The following ADGRG2 variants were observed in gnomAD, a reference collection of about 807,000 sequenced individuals.
The protein encoded by ADGRG2 is adhesion G protein-coupled receptor G2.
In ADGRG2, 26 loss-of-function variants were observed where a neutral mutation model predicts 74.1. The ratio of observed to expected loss-of-function variants is 0.35; its 90% CI spans 0.26 to 0.49. ADGRG2 has a LOEUF of 0.49. ADGRG2 is among the 20% of genes least tolerant of loss of function. The pLI is 0.99. For missense variants in ADGRG2, 619 were observed against 763.1 expected (o/e 0.81, Z 2.22); for synonymous variants, 296 against 295.2 (o/e 1.00, Z -0.03).
Position 19,013,665 on chromosome X carries a change from CGCTGT to C in ADGRG2, c.1099+16_1099+20del. 8.7e-7 allele frequency: 1 copy of C among 1,145,868 alleles called. No individual in the cohort carries two copies. The highest frequency in any genetic ancestry group is 2.1e-5 in the South Asian group (1 of 47,793). The allele number at this position is 1,145,868 out of a possible 1,213,427, so 94.4% of individuals were successfully genotyped here. ...TAGATGTCTTGATTGGCAGATTGGCCGCTGTTCAAGTGACATTTACCTGTCTGGAC... is the reference window on the plus strand; with the variant it reads ...TAGATGTCTTGATTGGCAGATTGGCCTCAAGTGACATTTACCTGTCTGGAC... On this transcript the variant is annotated intron_variant, in intron 16 of 28. Transcript: ENST00000379869.
At chrX:19,110,270 A>G (rs1473404360) in intron 1 of ADGRG2, among the ~76,000 whole-genome samples, 1 of 111,556 alleles carries the variant, frequency 9.0e-6, no homozygotes, top group Non-Finnish European at 1.9e-5. Context: ...TAAATACAGC[A>G]TTGAGAATTA....
At chrX:19,081,162 T>G (rs771134650) in intron 2 of ADGRG2, among the ~76,000 whole-genome samples, 9 of 110,804 alleles carry the variant, frequency 8.1e-5, no homozygotes, top group Non-Finnish European at 1.7e-4. Context: ...AGACTCGACT[T>G]TGCCTAAAAA....
chrX:19,022,265 A>T (rs1601914072), intron 13 of ADGRG2, among the ~76,000 whole-genome samples: 3 of 2,225 alleles, frequency 1.3e-3, no homozygotes, highest in African/African-American at 6.9e-3. Flanking sequence ...ACTCCATCTC[A>T]AAAAAAAAAA....
At chrX:19,066,036 C>T (rs2061563120) in intron 3 of ADGRG2, among the ~76,000 whole-genome samples, 2 of 111,517 alleles carry the variant, frequency 1.8e-5, no homozygotes, top group South Asian at 7.5e-4. Context: ...TTAGTAGAGA[C>T]AGGACTTTGC....
chrX:19,109,044 G>T (rs1343994811), intron 1 of ADGRG2, among the ~76,000 whole-genome samples: 1 of 109,958 alleles, frequency 9.1e-6, no homozygotes, highest in East Asian at 2.8e-4. Flanking sequence ...TCTCAAAAAA[G>T]AAGAAGAAGA....
intron 26 of ADGRG2, among the ~76,000 whole-genome samples, chrX:18,997,196 C>T (rs1337177951): frequency 1.8e-5 from 2 of 111,846 alleles, no homozygotes; most frequent in Admixed American, 9.5e-5. Context: ...CCCTGGAAGT[C>T]GACCATTGGT....
intron 3 of ADGRG2, among the ~76,000 whole-genome samples, chrX:19,046,265 G>T (rs1209690569): frequency 1.8e-5 from 2 of 112,113 alleles, no homozygotes; most frequent in Non-Finnish European, 3.8e-5. Context: ...TGTAAGTTTT[G>T]GGAGATGACC....
In ADGRG2 at chrX:19,037,853, C is replaced by T. The variant is rs146861831; in HGVS notation, c.155-217G>A. Among the ~76,000 whole-genome samples the T allele has an allele frequency of 1.8e-3, 201 of 111,433 alleles. 1 individual carries two copies. Among genetic ancestry groups the T allele is most frequent in the African/African-American group, 6.3e-3 (193 of 30,695 alleles). On this transcript the variant is annotated intron_variant, in intron 4 of 28. Coordinates refer to ENST00000379869, the MANE Select transcript of ADGRG2 (RefSeq NM_001079858.3). ...ACCCAAGATGAGTGAACCTGAGACC[C>T]GTGATTGCAAAGCTTGCTAACTACT...
chrX:19,037,658 A>C, intron 4 of ADGRG2, 22 bp from the exon 5 acceptor site: 1 of 1,054,464 alleles, frequency 9.5e-7, no homozygotes, highest in Non-Finnish European at 1.3e-6. Flanking sequence ...AAAAAAATTA[A>C]ATCAATATTT....
chrX:19,023,142 G>A (rs1277876420), intron 13 of ADGRG2, among the ~76,000 whole-genome samples: 1 of 111,372 alleles, frequency 9.0e-6, no homozygotes, highest in Non-Finnish European at 1.9e-5. Context: ...GGTGGCCCTC[G>A]GGGCTAAGGA....
chrX:19,052,783 A>T (rs1412248915), intron 3 of ADGRG2, among the ~76,000 whole-genome samples: 3 of 108,757 alleles, frequency 2.8e-5, no homozygotes, highest in African/African-American at 1.0e-4. Context: ...TACACCTCCC[A>T]GGTTCAAACA....
chrX:19,109,134 A>G (rs1460386512), intron 1 of ADGRG2, among the ~76,000 whole-genome samples: 1 of 111,408 alleles, frequency 9.0e-6, no homozygotes, highest in East Asian at 2.8e-4. Flanking sequence ...TTTCATAAGG[A>G]TGGCTGCTTG....
At chrX:19,062,641 G>A (rs990864113) in intron 3 of ADGRG2, among the ~76,000 whole-genome samples, 21 of 111,551 alleles carry the variant, frequency 1.9e-4, no homozygotes, top group Admixed American at 1.7e-3. Context: ...CAGGTTTCCC[G>A]CCTCTCAGGA....
chrX:19,116,919 TACATTGCAC>T (rs2062526588), intron 1 of ADGRG2, among the ~76,000 whole-genome samples: 2 of 112,472 alleles, frequency 1.8e-5, no homozygotes, highest in South Asian at 7.3e-4. Flanking sequence ...AAAATATCAA[TACATTGCAC>T]ACAGGAGAAA....
At chrX:19,023,272 A>G (rs2060632186) in intron 13 of ADGRG2, 144 bp downstream of exon 13, 1 of 415,827 alleles carries the variant, frequency 2.4e-6, no homozygotes, top group Non-Finnish European at 4.2e-6. Context: ...TTAGAAAAAT[A>G]AAAATATTTA....
chrX:19,076,677 G>A (rs191505438), intron 2 of ADGRG2, among the ~76,000 whole-genome samples: 408 of 111,458 alleles, frequency 3.7e-3, no homozygotes, highest in African/African-American at 0.012. Context: ...GCTGAGGCAG[G>A]AGAATTGCTT....
chrX:19,010,574 G>C (rs2060335094), intron 17 of ADGRG2, 39 bp downstream of exon 17: 1 of 1,113,460 alleles, frequency 9.0e-7, no homozygotes, highest in Non-Finnish European at 1.2e-6. Context: ...ATCTTTGGAG[G>C]GTCCCCTCTT....
At chrX:19,108,459 T>C (rs1448783787) in intron 1 of ADGRG2, among the ~76,000 whole-genome samples, 3 of 112,187 alleles carry the variant, frequency 2.7e-5, no homozygotes, top group Non-Finnish European at 3.8e-5. Flanking sequence ...ATATGTTCAC[T>C]ACAAGATAGG....
Position 19,040,240 on chromosome X carries a change from G to A in ADGRG2, c.119-16C>T, listed in dbSNP as rs780653828. On this transcript the variant is annotated splice_polypyrimidine_tract_variant and intron_variant, in intron 3 of 28. Transcript: ENST00000379869. ...TCAGTATCTTCTGTTGAGGAAAAGA[G>A]GTGATTCAGAATTAGTTTCATGAGG... is the stretch of plus-strand genomic sequence containing the variant. 2 of 1,087,559 alleles carry A rather than the reference G, an allele frequency of 1.8e-6. 1 individual carries two copies. The highest frequency in any genetic ancestry group is 3.9e-5 in the South Asian group (2 of 50,871). 89.6% of individuals were successfully genotyped at this position (1,087,559 alleles called of 1,213,427 possible).
Sources: allele counts gnomAD v4.1 joint callset (sites outside exome capture counted in the v4.1 genomes callset), GRCh38; gene constraint gnomAD v4.1.1; transcripts MANE v1.5; gene names NCBI Gene and HGNC (gene_info 2026-07-23, HGNC 2026-07-21).